Variants in ADAMTSL1 observed in about 807,000 individuals in gnomAD.
The protein encoded by ADAMTSL1 is ADAMTS-like protein 1.
Under a neutral mutation model 201.8 loss-of-function variants are expected in ADAMTSL1, and 126 were observed. The observed-to-expected ratio is 0.62, with a 90% confidence interval of 0.54 to 0.72. The LOEUF (loss-of-function observed/expected upper bound fraction) is 0.72. ADAMTSL1 is among the 30% of genes least tolerant of loss of function. The pLI, the probability that ADAMTSL1 is intolerant of heterozygous loss-of-function variation, is 0.00. For missense variants in ADAMTSL1, 2,679 were observed against 2,277.8 expected (o/e 1.18, Z -3.59); for synonymous variants, 1,121 against 903.4 (o/e 1.24, Z -4.32).
At chr9:18,285,890 T>C (rs1488775669) in intron 2 of ADAMTSL1, among the ~76,000 whole-genome samples, 1 of 152,174 alleles carries the variant, frequency 6.6e-6, no homozygotes, top group Non-Finnish European at 1.5e-5. Flanking sequence ...AAGTGTGCAA[T>C]TGACTGGGTT....
At chr9:18,657,499 C>T (rs1828767178) in intron 7 of ADAMTSL1, 140 bp from the exon 8 acceptor site, 1 of 616,954 alleles carries the variant, frequency 1.6e-6, no homozygotes, top group Non-Finnish European at 2.9e-6. Flanking sequence ...CATGATACTG[C>T]CATTGCCACT....
At chr9:18,884,878 T>C (rs907049638) in intron 23 of ADAMTSL1, among the ~76,000 whole-genome samples, 1 of 152,228 alleles carries the variant, frequency 6.6e-6, no homozygotes, top group African/African-American at 2.4e-5. Context: ...TTCTGGGTTT[T>C]TGATATTCCA....
chr9:18,479,390 C>T (rs16936777), intron 1 of ADAMTSL1, among the ~76,000 whole-genome samples: 6,896 of 152,230 alleles, frequency 0.045, 477 homozygotes, highest in African/African-American at 0.15. Flanking sequence ...GCTGTATCCA[C>T]AAGCATTCTT....
At chr9:18,548,946 C>G (rs1434482431) in intron 3 of ADAMTSL1, among the ~76,000 whole-genome samples, 1 of 151,228 alleles carries the variant, frequency 6.6e-6, no homozygotes, top group Non-Finnish European at 1.5e-5. Context: ...GAAACTTTAC[C>G]CAAAATATAG....
chr9:18,518,043 A>AAGAG (rs1195520499), intron 2 of ADAMTSL1, among the ~76,000 whole-genome samples: 1 of 152,088 alleles, frequency 6.6e-6, no homozygotes, highest in Non-Finnish European at 1.5e-5. Context: ...TCTCTCACGA[A>AAGAG]ATATTTGTAA....
chr9:18,292,198 A>G (rs1169698313), intron 2 of ADAMTSL1, among the ~76,000 whole-genome samples: 1 of 152,110 alleles, frequency 6.6e-6, no homozygotes, highest in East Asian at 1.9e-4. Context: ...CTCCAAGGGA[A>G]GCTTCAGGTG....
intron 9 of ADAMTSL1, among the ~76,000 whole-genome samples, chr9:18,665,769 C>T (rs1405564349): frequency 2.0e-5 from 3 of 152,026 alleles, no homozygotes; most frequent in Admixed American, 6.6e-5. Context: ...TCTACTAGTT[C>T]TTGAGGCTGA....
chr9:18,305,891 G>C (rs147973190), intron 2 of ADAMTSL1, among the ~76,000 whole-genome samples: 7 of 152,090 alleles, frequency 4.6e-5, no homozygotes, highest in Admixed American at 1.3e-4. Flanking sequence ...GTGGGTCCCT[G>C]ACCTCCATGA....
chr9:18,615,247 C>G lies in ADAMTSL1; in HGVS notation c.475-6996C>G, dbSNP rs755433211. Among the ~76,000 whole-genome samples the G allele has an allele frequency of 1.2e-3, 179 of 152,136 alleles. 1 individual carries two copies. Among genetic ancestry groups the G allele is most frequent in the South Asian group, 1.9e-3 (9 of 4,816 alleles). On this transcript the variant is annotated intron_variant, in intron 4 of 28. Transcript: ENST00000380548. ...ACAAAAAACAAACAAACAAAAAAAC[C>G]AAGTGTGTAAAAGAGGGAATTTTGG...
chr9:18,544,703 C>A (rs1820368415), intron 3 of ADAMTSL1, among the ~76,000 whole-genome samples: 1 of 152,176 alleles, frequency 6.6e-6, no homozygotes, highest in African/African-American at 2.4e-5. Flanking sequence ...TGGCTAATGC[C>A]AAGCATCTAC....
chr9:18,460,432 C>T (rs538713172), intron 2 of ADAMTSL1, among the ~76,000 whole-genome samples: 1 of 152,124 alleles, frequency 6.6e-6, no homozygotes, highest in Non-Finnish European at 1.5e-5. Context: ...GGGGGACTAT[C>T]CTCTTTAGTG....
Position 18,171,691 on chromosome 9 carries a change from C to A in ADAMTSL1, c.207+7710C>A, listed in dbSNP as rs147147070. Among the ~76,000 whole-genome samples, 146 of 152,170 alleles carry A rather than the reference C, an allele frequency of 9.6e-4. 4 individuals carry two copies. The East Asian group carries it at 0.026, about 27-fold the overall frequency. On this transcript the variant is annotated intron_variant, in intron 2 of 29. Coordinates refer to the ADAMTSL1 transcript ENST00000680146. The stretch of plus-strand genomic sequence containing the variant: ...AGAAGCTCTTCAGTTTAATCAGATC[C>A]CATTTGTCTATTTTGGCTTTTGTTG...
chr9:18,305,617 G>A (rs1340721679), intron 2 of ADAMTSL1, among the ~76,000 whole-genome samples: 2 of 152,224 alleles, frequency 1.3e-5, no homozygotes, highest in African/African-American at 2.4e-5. Context: ...AGAGCCCACT[G>A]CAGCTCAGCA....
intron 13 of ADAMTSL1, among the ~76,000 whole-genome samples, chr9:18,705,369 A>G (rs1374702879): frequency 2.6e-5 from 4 of 152,190 alleles, no homozygotes; most frequent in African/African-American, 9.7e-5. Flanking sequence ...TTTTGAAACT[A>G]TTAGTGGTTG....
chr9:17,933,048 TG>T (rs757207697), intron 1 of ADAMTSL1, among the ~76,000 whole-genome samples: 4 of 152,132 alleles, frequency 2.6e-5, no homozygotes, highest in South Asian at 2.1e-4. Flanking sequence ...TAGATTAAGT[TG>T]TATGTGTTTC....
At chr9:18,901,297 T>G in intron 26 of ADAMTSL1, among the ~76,000 whole-genome samples, 1 of 152,178 alleles carries the variant, frequency 6.6e-6, no homozygotes. Flanking sequence ...ACATATTAAA[T>G]GGAGTCCTTT....
intron 2 of ADAMTSL1, among the ~76,000 whole-genome samples, chr9:18,230,403 G>A (rs1830605248): frequency 1.3e-5 from 2 of 152,144 alleles, no homozygotes; most frequent in African/African-American, 4.8e-5. Flanking sequence ...TAGGGGAAGT[G>A]TCCCCTGGGC....
chr9:17,957,006 G>T (rs1324487910), intron 1 of ADAMTSL1, among the ~76,000 whole-genome samples: 3 of 152,042 alleles, frequency 2.0e-5, no homozygotes, highest in Non-Finnish European at 4.4e-5. Context: ...TAATGAAATG[G>T]CATAGCTATC....
chr9:18,296,552 T>A, intron 2 of ADAMTSL1, among the ~76,000 whole-genome samples: 1 of 152,154 alleles, frequency 6.6e-6, no homozygotes, highest in East Asian at 1.9e-4. Flanking sequence ...ATAAATAAAT[T>A]TGGTAAAACC....
Sources: allele counts gnomAD v4.1 joint callset (sites outside exome capture counted in the v4.1 genomes callset), GRCh38; gene constraint gnomAD v4.1.1; transcripts MANE v1.5; gene names NCBI Gene and HGNC (gene_info 2026-07-23, HGNC 2026-07-21).